The following BTD variants were observed in gnomAD, a reference collection of about 807,000 sequenced individuals.
BTD encodes the protein biotinidase, also known as biocytinase.
A neutral mutation model predicts 17.7 loss-of-function variants in BTD; 13 were observed. That is an observed-to-expected ratio of 0.74 (90% confidence interval 0.48 to 1.17). BTD has a LOEUF of 1.17. Ranked by LOEUF, BTD falls within the 50% of genes most tolerant of loss-of-function variation. The pLI is 0.00. For synonymous variants in BTD, 240 were observed against 245.2 expected, an observed-to-expected ratio of 0.98 and a Z score of 0.20; for missense variants, 674 against 650.4, an observed-to-expected ratio of 1.04 and a Z score of -0.39.
chr3:15,693,327 CAGAGAGAG>C (rs59750718), intron 3 of BTD, among the ~76,000 whole-genome samples: 1 of 148,392 alleles, frequency 6.7e-6, no homozygotes, highest in Non-Finnish European at 1.5e-5. Flanking sequence ...AATGGGGGGG[CAGAGAGAG>C]AGAGAGAGAG....
chr3:15,685,188 A>G, intron 3 of BTD: 1 of 1,585,330 alleles, frequency 6.3e-7, no homozygotes, highest in Non-Finnish European at 8.7e-7. Context: ...ATCTCTGTTC[A>G]CTACACAATG....
downstream of BTD, chr3:15,713,723 C>T: frequency 1.2e-6 from 1 of 853,282 alleles, no homozygotes; most frequent in Non-Finnish European, 1.8e-6. Flanking sequence ...ATAAAAAATG[C>T]TGTTCACATA....
chr3:15,706,502 G>A (rs1013842726), intron 3 of BTD, among the ~76,000 whole-genome samples: 7 of 152,134 alleles, frequency 4.6e-5, no homozygotes, highest in African/African-American at 1.7e-4. Context: ...ATGGACATTT[G>A]GGGTGGTTCC....
chr3:15,640,930 A>G (rs865814815), intron 2 of BTD, among the ~76,000 whole-genome samples: 11 of 152,350 alleles, frequency 7.2e-5, no homozygotes, highest in South Asian at 2.1e-4. Flanking sequence ...TTTGCAATGC[A>G]TTCCAGAAAT....
At chr3:15,658,431 G>A (rs2065892380), downstream of BTD, among the ~76,000 whole-genome samples, 2 of 152,210 alleles carry the variant, frequency 1.3e-5, no homozygotes, top group East Asian at 3.9e-4. Flanking sequence ...GAACGTTTGG[G>A]TGCCATGGAA....
At chr3:15,668,619 T>C (rs1284618383) in intron 3 of BTD, 2 of 152,692 alleles carry the variant, frequency 1.3e-5, no homozygotes, top group East Asian at 3.9e-4. Flanking sequence ...ACAACTCACA[T>C]CTGTGTTTTA....
intron 1 of BTD, among the ~76,000 whole-genome samples, chr3:15,609,669 G>GTA (rs948127867): frequency 5.3e-5 from 8 of 152,026 alleles, no homozygotes; most frequent in African/African-American, 1.9e-4. Flanking sequence ...AGTTATATTT[G>GTA]TATATATATA....
At chr3:15,701,352 AAAG>A (rs765307492) in intron 3 of BTD, among the ~76,000 whole-genome samples, 25 of 152,322 alleles carry the variant, frequency 1.6e-4, no homozygotes, top group South Asian at 2.1e-4. Context: ...ATAATAAAAA[AAAG>A]AAGATTAAGC....
At position 15,690,315 on chromosome 3, in the gene BTD, A is replaced by G. The variant is rs866042033; in HGVS notation, c.400-19745A>G. Reference sequence around the variant, plus strand: ...TGTAAATAAGCAAACTTGTCTTCATATTATTATCCTACTTGAGATAATCCA... The same window carrying G: ...TGTAAATAAGCAAACTTGTCTTCATGTTATTATCCTACTTGAGATAATCCA... On this transcript the variant is annotated intron_variant, in intron 3 of 3. Transcript: ENST00000672141. 2.9e-6 allele frequency: 3 copies of G among 1,018,412 alleles called. No individual in the cohort carries two copies. In the Middle Eastern group the frequency reaches 7.2e-4, roughly 245 times the overall value. 63.1% of individuals were successfully genotyped at this position (1,018,412 alleles called of 1,614,324 possible).
chr3:15,617,388 A>T (rs1398317467), intron 1 of BTD, among the ~76,000 whole-genome samples: 2 of 152,222 alleles, frequency 1.3e-5, no homozygotes, highest in Non-Finnish European at 2.9e-5. Flanking sequence ...TTATCTTTTA[A>T]GAGTTTTATA....
rs1263487788 is a variant in BTD at position 15,635,778 on chromosome 3, C to T, written c.249+90C>T. 1 of 1,578,264 alleles carries T rather than the reference C, an allele frequency of 6.3e-7. No individual in the cohort carries two copies. Among genetic ancestry groups the T allele is most frequent in the East Asian group, 2.2e-5 (1 of 44,698 alleles). The stretch of plus-strand genomic sequence containing the variant: ...CAGTGGTTGGGTAATCCCAGGCTTC[C>T]TACCACCCTCTGAAAAAGCATCCAG... On this transcript the variant is annotated intron_variant, in intron 2 of 3. Coordinates refer to ENST00000643237, the MANE Select transcript of BTD (RefSeq NM_001370658.1). This position sits in a 1 kb window ranked among gnomAD's most constrained non-coding sequence, Gnocchi z 4.1.
intron 3 of BTD, among the ~76,000 whole-genome samples, chr3:15,666,691 C>T (rs2066000080): frequency 6.6e-6 from 1 of 152,114 alleles, no homozygotes; most frequent in Non-Finnish European, 1.5e-5. Flanking sequence ...ATATTTTCAT[C>T]ATCTTTCCAT....
In BTD at chr3:15,651,048, G is replaced by A. The variant is rs564508475; in HGVS notation, c.*5560G>A. ...CTCCCAAAGTGCTGGGATTACAGGC[G>A]TGAGCCACCGTACCCGGCCAGGGCT... On this transcript the variant is annotated 3_prime_UTR_variant, in exon 4 of 4. Coordinates refer to ENST00000643237, the MANE Select transcript of BTD (RefSeq NM_001370658.1). Among the ~76,000 whole-genome samples, 4 of 152,288 alleles carry A rather than the reference G, an allele frequency of 2.6e-5. No individual in the cohort carries two copies. Among genetic ancestry groups the A allele is most frequent in the East Asian group, 1.9e-4 (1 of 5,178 alleles).
rs369422231 is a variant in BTD, at chr3:15,652,336, A to G, written c.*6848A>G. Among the ~76,000 whole-genome samples the G allele has an allele frequency of 3.9e-5, 6 of 152,156 alleles. No homozygotes were observed. The East Asian group carries it at 9.6e-4, about 24-fold the overall frequency. On this transcript the variant is annotated 3_prime_UTR_variant, in exon 4 of 4. Coordinates refer to ENST00000643237, the MANE Select transcript of BTD (RefSeq NM_001370658.1). ...GCGACACTCCGTCTCCAAAAAAAAA[A>G]GATACTGCAGCTTCTATCTTGGTTG...
rs34597886 is a variant in BTD at position 15,642,454 on chromosome 3, C to CTT, written c.399+414_399+415dup. Among the ~76,000 whole-genome samples, 92 of 135,752 alleles carry CTT rather than the reference C, an allele frequency of 6.8e-4. 1 individual carries two copies. The highest frequency in any genetic ancestry group is 1.3e-3 in the African/African-American group (47 of 35,820). 89.1% of individuals were successfully genotyped at this position (135,752 alleles called of 152,430 possible). The stretch of plus-strand genomic sequence containing the variant: ...TGCATTTCATAGTTATTGACATCCT[C>CTT]TTTTTTTTTTTTTTTTTTGAGATGG... On this transcript the variant is annotated intron_variant, in intron 3 of 3. Transcript: ENST00000643237.
chr3:15,705,954 C>T (rs2071298922), intron 3 of BTD, among the ~76,000 whole-genome samples: 1 of 152,024 alleles, frequency 6.6e-6, no homozygotes, highest in South Asian at 2.1e-4. Flanking sequence ...TAAACTGAGA[C>T]TGCAGCACTG....
intron 1 of BTD, among the ~76,000 whole-genome samples, chr3:15,602,981 G>C (rs536599003): frequency 6.6e-6 from 1 of 152,340 alleles, no homozygotes; most frequent in South Asian, 2.1e-4. Context: ...GCAAAGGCAT[G>C]TCTTACATGG....
rs1309436577 is a variant in BTD, at chr3:15,709,020, C to T, written c.400-1040C>T. ...TTCTTTCCTGTATGGTTCTAATGCA[C>T]TCTGTGTCAATTCCTACTCTAAGTA... On this transcript the variant is annotated intron_variant, in intron 3 of 3. Coordinates refer to the BTD transcript ENST00000672141. Among the ~76,000 whole-genome samples, 6 of 152,170 alleles carry T rather than the reference C, an allele frequency of 3.9e-5. No individual in the cohort carries two copies. The East Asian group carries it at 9.6e-4, about 24-fold the overall frequency.
At chr3:15,609,003 A>C (rs554870798) in intron 1 of BTD, among the ~76,000 whole-genome samples, 5 of 152,190 alleles carry the variant, frequency 3.3e-5, no homozygotes, top group Non-Finnish European at 7.3e-5. Flanking sequence ...CCATGTCAGC[A>C]AAACAAAGAT....
Sources: allele counts gnomAD v4.1 joint callset (sites outside exome capture counted in the v4.1 genomes callset), GRCh38; gene constraint gnomAD v4.1.1; non-coding constraint Gnocchi (gnomAD v3.1); transcripts MANE v1.5; gene names NCBI Gene and HGNC (gene_info 2026-07-23, HGNC 2026-07-21).